Variants in ARB2A observed in about 807,000 individuals in gnomAD.
The protein encoded by ARB2A is ARB2 cotranscriptional regulator A.
chr5:93,920,162 G>A, the ARB2A span, among the ~76,000 whole-genome samples: 1 of 152,114 alleles, frequency 6.6e-6, no homozygotes, highest in Non-Finnish European at 1.5e-5. Context: ...TTTAGGGCTC[G>A]TGCCTGGATC....
At chr5:93,917,204 A>C in the ARB2A span, among the ~76,000 whole-genome samples, 5 of 152,152 alleles carry the variant, frequency 3.3e-5, no homozygotes, top group Admixed American at 6.6e-5. Flanking sequence ...TCCAAATTTT[A>C]ACCCCTACTG....
At chr5:94,096,814 G>A in the ARB2A span, among the ~76,000 whole-genome samples, 2 of 152,126 alleles carry the variant, frequency 1.3e-5, no homozygotes, top group Non-Finnish European at 2.9e-5. Context: ...CGCAGACCCT[G>A]GGCTGAAGGA....
the ARB2A span, among the ~76,000 whole-genome samples, chr5:93,985,723 T>C: frequency 6.6e-6 from 1 of 152,176 alleles, no homozygotes; most frequent in Non-Finnish European, 1.5e-5. Flanking sequence ...GCTCACTCAG[T>C]ACTCAATGTT....
the ARB2A span, among the ~76,000 whole-genome samples, chr5:93,748,171 A>G: frequency 1.3e-5 from 2 of 152,148 alleles, no homozygotes; most frequent in African/African-American, 4.8e-5. Context: ...TCTCTTAAGG[A>G]TATGTTCTAC....
chr5:94,107,971 G>C, the ARB2A span, among the ~76,000 whole-genome samples: 4 of 152,032 alleles, frequency 2.6e-5, no homozygotes, highest in South Asian at 8.3e-4. Context: ...CTTTGATTCT[G>C]GGTCCCCTCT....
chr5:93,782,217 T>G, the ARB2A span, among the ~76,000 whole-genome samples: 4 of 152,230 alleles, frequency 2.6e-5, no homozygotes, highest in Admixed American at 6.5e-5. Context: ...GATATTATAG[T>G]GTTTTCAATG....
chr5:93,948,727 C>G, the ARB2A span, among the ~76,000 whole-genome samples: 1,005 of 152,212 alleles, frequency 6.6e-3, 7 homozygotes, highest in Non-Finnish European at 8.4e-3. Flanking sequence ...TTTCTACATA[C>G]GGCTAGCCAG....
chr5:93,895,241 T>C, the ARB2A span, among the ~76,000 whole-genome samples: 1 of 152,218 alleles, frequency 6.6e-6, no homozygotes, highest in East Asian at 1.9e-4. Context: ...TATTTCAACC[T>C]TCAGGCCATC....
At chr5:93,753,992 G>T in the ARB2A span, among the ~76,000 whole-genome samples, 1 of 152,102 alleles carries the variant, frequency 6.6e-6, no homozygotes, top group Non-Finnish European at 1.5e-5. Context: ...AGGGATGTAG[G>T]GTAGCAAAAC....
At chr5:93,963,247 T>A in the ARB2A span, among the ~76,000 whole-genome samples, 1 of 151,866 alleles carries the variant, frequency 6.6e-6, no homozygotes. Context: ...ACTAAGACAG[T>A]AAGTTTAAAT....
chr5:93,683,799 G>C, the ARB2A span: 1 of 1,203,406 alleles, frequency 8.3e-7, no homozygotes, highest in Admixed American at 2.1e-5. Context: ...CGCGCAGGAC[G>C]GAATCACACC....
At chr5:93,727,223 G>A in the ARB2A span, among the ~76,000 whole-genome samples, 1 of 152,004 alleles carries the variant, frequency 6.6e-6, no homozygotes. Context: ...ATAAACAACT[G>A]AAAACTAGGT....
chr5:93,685,953 C>T, the ARB2A span, among the ~76,000 whole-genome samples: 4 of 152,086 alleles, frequency 2.6e-5, no homozygotes, highest in Non-Finnish European at 5.9e-5. Flanking sequence ...AAACAAATAC[C>T]AATTTTAAAG....
the ARB2A span, among the ~76,000 whole-genome samples, chr5:93,898,929 C>T: frequency 2.0e-5 from 3 of 152,066 alleles, no homozygotes; most frequent in Non-Finnish European, 4.4e-5. Flanking sequence ...TTGTTCATAT[C>T]CTTATCTTAC....
chr5:94,021,459 T>C, the ARB2A span, among the ~76,000 whole-genome samples: 6 of 152,056 alleles, frequency 3.9e-5, no homozygotes, highest in African/African-American at 1.2e-4. Flanking sequence ...GACTAACTGA[T>C]GGAAAAAAAA....
At chr5:93,882,843 A>G in the ARB2A span, among the ~76,000 whole-genome samples, 2 of 151,550 alleles carry the variant, frequency 1.3e-5, no homozygotes, top group Non-Finnish European at 3.0e-5. Flanking sequence ...TATTTAATAG[A>G]AAATAAAACT....
At chr5:93,947,038 TCTTC>T in the ARB2A span, among the ~76,000 whole-genome samples, 1 of 152,196 alleles carries the variant, frequency 6.6e-6, no homozygotes. Flanking sequence ...CTGCATACTG[TCTTC>T]CTTAACTCTA....
the ARB2A span, among the ~76,000 whole-genome samples, chr5:93,764,996 C>A: frequency 6.6e-6 from 1 of 152,140 alleles, no homozygotes; most frequent in African/African-American, 2.4e-5. Context: ...ATTCAACAAC[C>A]CTTCATGCTA....
chr5:93,839,298 A>G, the ARB2A span, among the ~76,000 whole-genome samples: 2 of 152,176 alleles, frequency 1.3e-5, no homozygotes, highest in South Asian at 2.1e-4. Flanking sequence ...TAAGGTAAGC[A>G]TGTGGTTTTG....
Sources: allele counts gnomAD v4.1 joint callset (sites outside exome capture counted in the v4.1 genomes callset), GRCh38; gene constraint gnomAD v4.1.1; transcripts MANE v1.5; gene names NCBI Gene and HGNC (gene_info 2026-07-23, HGNC 2026-07-21).